Variants in PCBP1 observed in about 807,000 individuals in gnomAD.
The protein encoded by PCBP1 is poly(rC)-binding protein 1.
For synonymous variants in PCBP1, 284 were observed against 195.8 expected (o/e 1.45, Z -3.76); for missense variants, 244 against 474.4 (o/e 0.51, Z 4.51).
At position 70,088,303 on chromosome 2, in the gene PCBP1, C is replaced by T; in HGVS notation, c.560C>T (p.Pro187Leu). ...ATGACCATTCCGTACCAGCCCATGC[C>T]GGCCAGCTCCCCAGTCATCTGCGCG... ...RVMTIPYQPM[P>L]ASSPVICAGG... The change falls in exon 1 of 1, where the codon CCG becomes CTG. Residue 187 changes from proline (P) to leucine (L), a missense_variant. Pro to Leu is a moderately conservative substitution (Grantham distance 98, BLOSUM62 -3). Transcript: ENST00000303577. This position sits in a 1 kb window ranked among gnomAD's most constrained non-coding sequence, Gnocchi z 4.5. The T allele has an allele frequency of 3.1e-6, 5 of 1,613,824 alleles. No individual in the cohort carries two copies. Among genetic ancestry groups the T allele is most frequent in the East Asian group, 2.2e-5 (1 of 44,886 alleles).
chr2:70,088,752 A>G lies in PCBP1; in HGVS notation c.1009A>G (p.Ser337Gly), dbSNP rs1383044449. 1 of 1,614,150 alleles carries G rather than the reference A, an allele frequency of 6.2e-7. No individual in the cohort carries two copies. The highest frequency in any genetic ancestry group is 8.5e-7 in the Non-Finnish European group (1 of 1,180,034). ...TATCACTGGCTCTGCTGCCAGTATTAGTCTGGCCCAGTATCTAATCAATGC... is the reference window on the plus strand; with the variant it reads ...TATCACTGGCTCTGCTGCCAGTATTGGTCTGGCCCAGTATCTAATCAATGC... Reference protein sequence around the residue: ...VTITGSAASISLAQYLINARL... With the variant: ...VTITGSAASIGLAQYLINARL... Residue 337 changes from serine to glycine, a missense_variant, in exon 1 of 1, where the codon AGT becomes GGT. By Grantham distance (56) the Ser-to-Gly change is moderately conservative. Coordinates refer to ENST00000303577, the MANE Select transcript of PCBP1 (RefSeq NM_006196.4). This position sits in a 1 kb window ranked among gnomAD's most constrained non-coding sequence, Gnocchi z 4.5.
At position 70,088,367 on chromosome 2, in the gene PCBP1, C is replaced by A; in HGVS notation, c.624C>A (p.Pro208=). 6.2e-7 allele frequency: 1 copy of A among 1,614,016 alleles called. No homozygotes were observed. The highest frequency in any genetic ancestry group is 8.5e-7 in the Non-Finnish European group (1 of 1,180,034). The stretch of plus-strand genomic sequence containing the variant: ...GGTGCAGCGACGCTGCGGGCTACCC[C>A]CATGCCACCCATGACCTGGAGGGAC... ...QDRCSDAAGY[P]HATHDLEGPP... The change falls in exon 1 of 1, where the codon CCC becomes CCA. Residue 208 remains proline, a synonymous_variant. Transcript: ENST00000303577. This position sits in a 1 kb window ranked among gnomAD's most constrained non-coding sequence, Gnocchi z 4.5.
At position 70,087,518 on chromosome 2, in the gene PCBP1, T is replaced by TCGCCCACC. The variant is rs1395764395; in HGVS notation, c.-220_-213dup. On this transcript the variant is annotated 5_prime_UTR_variant, in exon 1 of 1. Coordinates refer to ENST00000303577, the MANE Select transcript of PCBP1 (RefSeq NM_006196.4). ...CGCCGGAGTCGCCACCGCCGCGCCC[T>TCGCCCACC]CGCCCACCCGCCCGCCCGCCGCTCC... The TCGCCCACC allele has an allele frequency of 1.2e-5, 1 of 80,566 alleles. No individual in the cohort carries two copies. Among genetic ancestry groups the TCGCCCACC allele is most frequent in the Admixed American group, 1.4e-4 (1 of 7,106 alleles). The allele number at this position is 80,566 out of a possible 1,614,324, so 5.0% of individuals were successfully genotyped here.
Position 70,088,829 on chromosome 2 carries a change from C to T in PCBP1, c.*15C>T, listed in dbSNP as rs376966237. ...GGTGCAGCTAGAACAGTGTAGGTTC[C>T]CTCAATAACCCCTTTCTGCTGTTCT... On this transcript the variant is annotated 3_prime_UTR_variant, in exon 1 of 1. Coordinates refer to ENST00000303577, the MANE Select transcript of PCBP1 (RefSeq NM_006196.4). The surrounding 1 kb of genome is among the most constrained non-coding windows in gnomAD (Gnocchi z 4.5). The T allele has an allele frequency of 1.8e-5, 28 of 1,545,684 alleles. No individual in the cohort carries two copies. In the East Asian group the frequency reaches 3.6e-4, roughly 20 times the overall value.
Position 70,087,995 on chromosome 2 carries a change from C to T in PCBP1, c.252C>T (p.Asn84=), listed in dbSNP as rs1671361590. The T allele has an allele frequency of 6.2e-7, 1 of 1,613,936 alleles. No homozygotes were observed. The highest frequency in any genetic ancestry group is 1.1e-5 in the South Asian group (1 of 91,088). ...MIIDKLEEDI[N]SSMTNSTAAS... ...TCGACAAGCTGGAGGAAGATATCAA[C>T]AGCTCCATGACCAACAGTACCGCGG... The change falls in exon 1 of 1, where the codon AAC becomes AAT. Residue 84 remains asparagine (N), a synonymous_variant. Coordinates refer to ENST00000303577, the MANE Select transcript of PCBP1 (RefSeq NM_006196.4).
chr2:70,088,376 C>T lies in PCBP1; in HGVS notation c.633C>T (p.Thr211=). ...CSDAAGYPHA[T]HDLEGPPLDA... The stretch of plus-strand genomic sequence containing the variant: ...ACGCTGCGGGCTACCCCCATGCCAC[C>T]CATGACCTGGAGGGACCACCTCTAG... The change falls in exon 1 of 1, where the codon ACC becomes ACT. Residue 211 remains threonine (T), a synonymous_variant. Transcript: ENST00000303577. The surrounding 1 kb of genome is among the most constrained non-coding windows in gnomAD (Gnocchi z 4.5). The T allele has an allele frequency of 1.2e-6, 2 of 1,614,046 alleles. No homozygotes were observed. The highest frequency in any genetic ancestry group is 1.7e-6 in the Non-Finnish European group (2 of 1,180,030).
Position 70,088,169 on chromosome 2 carries a change from C to G in PCBP1, c.426C>G (p.Thr142=), listed in dbSNP as rs147335315. ...CGGGGGATATGCTGCCCAACTCCAC[C>G]GAGCGGGCCATCACCATCGCTGGCG... ...QVAGDMLPNS[T]ERAITIAGVP... is the part of the protein sequence containing the mutation. Residue 142 remains threonine, a synonymous_variant, in exon 1 of 1, where the codon ACC becomes ACG. Transcript: ENST00000303577. This position sits in a 1 kb window ranked among gnomAD's most constrained non-coding sequence, Gnocchi z 4.5. The G allele has an allele frequency of 1.9e-6, 3 of 1,614,014 alleles. No individual in the cohort carries two copies. Among genetic ancestry groups the G allele is most frequent in the South Asian group, 2.2e-5 (2 of 91,080 alleles).
rs754188028 is a variant in PCBP1, at chr2:70,088,155, C to T, written c.412C>T (p.Leu138=). 2.5e-6 allele frequency: 4 copies of T among 1,613,834 alleles called. No individual in the cohort carries two copies. The Admixed American group carries it at 5.0e-5, about 20-fold the overall frequency. The change falls in exon 1 of 1, where the codon CTG becomes TTG. Residue 138 remains leucine (L), a synonymous_variant. Transcript: ENST00000303577. This position sits in a 1 kb window ranked among gnomAD's most constrained non-coding sequence, Gnocchi z 4.5. ...GCAGGTCCAGGTGGCGGGGGATATGCTGCCCAACTCCACCGAGCGGGCCAT... is the reference window on the plus strand; with the variant it reads ...GCAGGTCCAGGTGGCGGGGGATATGTTGCCCAACTCCACCGAGCGGGCCAT... ...GAQVQVAGDM[L]PNSTERAITI... is the part of the protein sequence containing the mutation.
Position 70,089,052 on chromosome 2 carries a change from T to C in PCBP1, c.*238T>C, listed in dbSNP as rs1277493653. 6 of 433,518 alleles carry C rather than the reference T, an allele frequency of 1.4e-5. No individual in the cohort carries two copies. Among genetic ancestry groups the C allele is most frequent in the Non-Finnish European group, 2.1e-5 (5 of 235,938 alleles). 26.9% of individuals were successfully genotyped at this position (433,518 alleles called of 1,614,324 possible). ...GTTTTGTTTTGGGTTTTTTGGCTCA[T>C]GAATTTTATTTCTGTTTGTCGATAA... is the stretch of plus-strand genomic sequence containing the variant. On this transcript the variant is annotated 3_prime_UTR_variant, in exon 1 of 1. Coordinates refer to ENST00000303577, the MANE Select transcript of PCBP1 (RefSeq NM_006196.4).
chr2:70,087,646 C>T lies in PCBP1; in HGVS notation c.-98C>T. 1 of 724,324 alleles carries T rather than the reference C, an allele frequency of 1.4e-6. No homozygotes were observed. Among genetic ancestry groups the T allele is most frequent in the South Asian group, 2.6e-5 (1 of 39,060 alleles). 44.9% of individuals were successfully genotyped at this position (724,324 alleles called of 1,614,324 possible). A position where few individuals can be genotyped will look rare whatever the true frequency, so the allele number is the denominator to read the frequency against. On this transcript the variant is annotated 5_prime_UTR_variant, in exon 1 of 1. Transcript: ENST00000303577. ...CCCGCGGCCCTCGCTCGCCTCGCGC[C>T]GGCAGTTTTGGGCCTACACCTCCCC...
rs1479658367 is a variant in PCBP1 at position 70,088,957 on chromosome 2, A to G, written c.*143A>G. On this transcript the variant is annotated 3_prime_UTR_variant, in exon 1 of 1. Transcript: ENST00000303577. The surrounding 1 kb of genome is among the most constrained non-coding windows in gnomAD (Gnocchi z 4.5). ...CTTTATCATCCGCTAAGAATTTAAAAATCACATTCTCTGTTCAGCTGTTAA... is the reference window on the plus strand; with the variant it reads ...CTTTATCATCCGCTAAGAATTTAAAGATCACATTCTCTGTTCAGCTGTTAA... The G allele has an allele frequency of 1.6e-6, 1 of 623,652 alleles. No homozygotes were observed. Among genetic ancestry groups the G allele is most frequent in the East Asian group, 2.8e-5 (1 of 35,968 alleles). 38.6% of individuals were successfully genotyped at this position (623,652 alleles called of 1,614,324 possible).
rs1391823843 is a variant in PCBP1, at chr2:70,088,253, C to T, written c.510C>T (p.Leu170=). 2.5e-6 allele frequency: 4 copies of T among 1,613,858 alleles called. No individual in the cohort carries two copies. The highest frequency in any genetic ancestry group is 1.7e-5 in the Admixed American group (1 of 60,030). ...KQICLVMLET[L]SQSPQGRVMT... Reference sequence around the variant, plus strand: ...TTTGCCTGGTCATGCTGGAGACGCTCTCCCAGTCTCCGCAAGGGAGAGTCA... The same window carrying T: ...TTTGCCTGGTCATGCTGGAGACGCTTTCCCAGTCTCCGCAAGGGAGAGTCA... Residue 170 remains leucine (L), a synonymous_variant, in exon 1 of 1, where the codon CTC becomes CTT. Transcript: ENST00000303577. The surrounding 1 kb of genome is among the most constrained non-coding windows in gnomAD (Gnocchi z 4.5).
rs1257294405 is a variant in PCBP1, at chr2:70,088,799, C to G, written c.1056C>G (p.Gly352=). The change falls in exon 1 of 1, where the codon GGC becomes GGG. Residue 352 remains glycine, a synonymous_variant. Transcript: ENST00000303577. This position sits in a 1 kb window ranked among gnomAD's most constrained non-coding sequence, Gnocchi z 4.5. The part of the protein sequence containing the change: ...LINARLSSEK[G]MGCS ...ATGCCAGGCTTTCCTCTGAGAAGGG[C>G]ATGGGGTGCAGCTAGAACAGTGTAG... 4 of 1,612,064 alleles carry G rather than the reference C, an allele frequency of 2.5e-6. No homozygotes were observed. Among genetic ancestry groups the G allele is most frequent in the Non-Finnish European group, 2.5e-6 (3 of 1,179,024 alleles).
chr2:70,087,634 C>T lies in PCBP1; in HGVS notation c.-110C>T. On this transcript the variant is annotated 5_prime_UTR_variant, in exon 1 of 1. Transcript: ENST00000303577. ...CTCCCGCTCGCTCCCGCGGCCCTCG[C>T]TCGCCTCGCGCCGGCAGTTTTGGGC... 3 of 643,398 alleles carry T rather than the reference C, an allele frequency of 4.7e-6. No individual in the cohort carries two copies. The highest frequency in any genetic ancestry group is 7.5e-6 in the Non-Finnish European group (3 of 400,618). 39.9% of individuals were successfully genotyped at this position (643,398 alleles called of 1,614,324 possible).
rs745521405 is a variant in PCBP1, at chr2:70,088,387, A to AGGG, written c.645_647dup (p.Gly216dup). The AGGG allele has an allele frequency of 5.8e-4, 934 of 1,614,068 alleles. 5 individuals are homozygous for AGGG. The highest frequency in any genetic ancestry group is 1.5e-4 in the Non-Finnish European group (174 of 1,180,030). On this transcript the variant is annotated inframe_insertion, in exon 1 of 1. Transcript: ENST00000303577. This position sits in a 1 kb window ranked among gnomAD's most constrained non-coding sequence, Gnocchi z 4.5. ...TACCCCCATGCCACCCATGACCTGGAGGGACCACCTCTAGATGCCTACTCG... is the reference window on the plus strand; with the variant it reads ...TACCCCCATGCCACCCATGACCTGGAGGGGGGACCACCTCTAGATGCCTACTCG...
At position 70,087,938 on chromosome 2, in the gene PCBP1, C is replaced by T. The variant is rs1252661556; in HGVS notation, c.195C>T (p.Thr65=). Residue 65 remains threonine (T), a synonymous_variant, in exon 1 of 1, where the codon ACC becomes ACT. Coordinates refer to ENST00000303577, the MANE Select transcript of PCBP1 (RefSeq NM_006196.4). ...GAATCATCACTCTGACCGGCCCCAC[C>T]AATGCCATCTTTAAGGCTTTCGCTA... The part of the protein sequence containing the change: ...PERIITLTGP[T]NAIFKAFAMI... The T allele has an allele frequency of 6.2e-7, 1 of 1,612,270 alleles. No homozygotes were observed. Among genetic ancestry groups the T allele is most frequent in the Non-Finnish European group, 8.5e-7 (1 of 1,178,614 alleles).
In PCBP1 at chr2:70,087,752, C is replaced by A. The variant is rs754887220; in HGVS notation, c.9C>A (p.Ala3=). The A allele has an allele frequency of 1.9e-6, 3 of 1,545,222 alleles. No individual in the cohort carries two copies. Among genetic ancestry groups the A allele is most frequent in the Non-Finnish European group, 2.6e-6 (3 of 1,141,496 alleles). Residue 3 remains alanine, a synonymous_variant, in exon 1 of 1, where the codon GCC becomes GCA. Coordinates refer to ENST00000303577, the MANE Select transcript of PCBP1 (RefSeq NM_006196.4). ...GCCGCCCGCCGCTCGCCATGGATGC[C>A]GGTGTGACTGAAAGTGGACTAAATG... MD[A]GVTESGLNVT...
In PCBP1 at chr2:70,088,898, T is replaced by C; in HGVS notation, c.*84T>C. On this transcript the variant is annotated 3_prime_UTR_variant, in exon 1 of 1. Transcript: ENST00000303577. This position sits in a 1 kb window ranked among gnomAD's most constrained non-coding sequence, Gnocchi z 4.5. ...AATTTCTGGTCAGTGATTCCAGGTT[T>C]TAAATAATTTGTAAGTGTTCAGTTT... 2 of 974,232 alleles carry C rather than the reference T, an allele frequency of 2.1e-6. No homozygotes were observed. Among genetic ancestry groups the C allele is most frequent in the South Asian group, 3.4e-5 (2 of 58,428 alleles). 60.3% of individuals were successfully genotyped at this position (974,232 alleles called of 1,614,324 possible).
Position 70,088,909 on chromosome 2 carries a change from G to A in PCBP1, c.*95G>A. The A allele has an allele frequency of 2.3e-6, 2 of 873,918 alleles. No individual in the cohort carries two copies. Among genetic ancestry groups the A allele is most frequent in the Non-Finnish European group, 1.7e-6 (1 of 572,962 alleles). The allele number at this position is 873,918 out of a possible 1,614,324, so 54.1% of individuals were successfully genotyped here. On this transcript the variant is annotated 3_prime_UTR_variant, in exon 1 of 1. Transcript: ENST00000303577. This position sits in a 1 kb window ranked among gnomAD's most constrained non-coding sequence, Gnocchi z 4.5. ...AGTGATTCCAGGTTTTAAATAATTT[G>A]TAAGTGTTCAGTTTCTACACAACTT...
Sources: allele counts gnomAD v4.1 joint callset, GRCh38; gene constraint gnomAD v4.1.1; non-coding constraint Gnocchi (gnomAD v3.1); transcripts MANE v1.5; gene names NCBI Gene and HGNC (gene_info 2026-07-23, HGNC 2026-07-21).